Variants in CA5A observed in about 807,000 individuals in gnomAD.
The protein encoded by CA5A is carbonic anhydrase 5A, also known as carbonic anhydrase 5A, mitochondrial.
A neutral mutation model predicts 37.1 loss-of-function variants in CA5A; 28 were observed. The ratio of observed to expected loss-of-function variants is 0.75; its 90% confidence interval spans 0.56 to 1.03. The LOEUF (loss-of-function observed/expected upper bound fraction) is 1.03. CA5A is among the 50% of genes least tolerant of loss of function. The pLI is 0.00. For missense variants in CA5A, 444 were observed against 399.9 expected, an observed-to-expected ratio of 1.11 and a Z score of -0.94; for synonymous variants, 171 against 158.4, an observed-to-expected ratio of 1.08 and a Z score of -0.60.
intron 2 of CA5A, among the ~76,000 whole-genome samples, chr16:87,914,245 G>A (rs913440682): frequency 6.6e-6 from 1 of 152,250 alleles, no homozygotes; most frequent in African/African-American, 2.4e-5. Context: ...GAAGTCACGG[G>A]TGACCATGGT....
At chr16:87,926,176 G>A (rs780280769) in intron 2 of CA5A, among the ~76,000 whole-genome samples, 5 of 152,124 alleles carry the variant, frequency 3.3e-5, no homozygotes, top group Non-Finnish European at 5.9e-5. Flanking sequence ...CTGAGATTGC[G>A]CCATGGCACT....
At chr16:87,892,495 G>C (rs2055732309) in intron 5 of CA5A, among the ~76,000 whole-genome samples, 1 of 142,764 alleles carries the variant, frequency 7.0e-6, no homozygotes, top group African/African-American at 2.6e-5. Flanking sequence ...GGGCAACAGA[G>C]TGAGACTCTG....
chr16:87,930,055 G>A (rs1196338220), intron 1 of CA5A, among the ~76,000 whole-genome samples: 4 of 152,136 alleles, frequency 2.6e-5, no homozygotes, highest in African/African-American at 9.7e-5. Flanking sequence ...GGATGGTTGT[G>A]TGCCTGTTTA....
In CA5A at chr16:87,910,283, G is replaced by A. The variant is rs761397491; in HGVS notation, c.341-5379C>T. 1.7e-4 allele frequency among the ~76,000 whole-genome samples: 26 copies of A among 152,272 alleles called. 1 individual carries two copies. Among genetic ancestry groups the A allele is most frequent in the African/African-American group, 3.6e-4 (15 of 41,560 alleles). On this transcript the variant is annotated intron_variant, in intron 2 of 6. Transcript: ENST00000649794. ...ACCAGAGTGCAGCGGAGGAGCTGGCGTTCGCTGGGCACCTGCTACCTGCTG... is the reference window on the plus strand; with the variant it reads ...ACCAGAGTGCAGCGGAGGAGCTGGCATTCGCTGGGCACCTGCTACCTGCTG...
chr16:87,897,448 C>T (rs117296936), intron 5 of CA5A, among the ~76,000 whole-genome samples: 7,371 of 140,120 alleles, frequency 0.053, 235 homozygotes, highest in Middle Eastern at 0.16. Context: ...GCTGTGCCTG[C>T]GTGCTGGGAG....
At chr16:87,930,763 C>T (rs2056391460) in intron 1 of CA5A, among the ~76,000 whole-genome samples, 2 of 146,652 alleles carry the variant, frequency 1.4e-5, no homozygotes, top group South Asian at 4.4e-4. Flanking sequence ...TTTTTTGAGA[C>T]AGAGTCTCCT....
At chr16:87,909,132 C>G (rs58428952) in intron 2 of CA5A, among the ~76,000 whole-genome samples, 15,421 of 151,954 alleles carry the variant, frequency 0.1, 887 homozygotes, top group Middle Eastern at 0.16. Context: ...TGCCCAGCCT[C>G]TCACAGAATT....
intron 5 of CA5A, chr16:87,893,885 G>A (rs778381738): frequency 2.6e-4 from 61 of 237,802 alleles, no homozygotes; most frequent in Admixed American, 1.0e-3. Context: ...CGATCCCCCC[G>A]CCTCAGTTTC....
intron 1 of CA5A, among the ~76,000 whole-genome samples, chr16:87,935,123 G>T (rs867745087): frequency 1.3e-5 from 2 of 152,376 alleles, no homozygotes; most frequent in Middle Eastern, 6.8e-3. Flanking sequence ...GCAAGCGTCA[G>T]TCGGACTGCA....
At chr16:87,900,408 C>T (rs137880292) in intron 5 of CA5A, among the ~76,000 whole-genome samples, 2,037 of 152,300 alleles carry the variant, frequency 0.013, 16 homozygotes, top group Non-Finnish European at 0.02. Flanking sequence ...GCGAAGGCCA[C>T]GTACAGATCA....
intron 1 of CA5A, among the ~76,000 whole-genome samples, chr16:87,929,404 A>T (rs2056364723): frequency 6.8e-6 from 1 of 147,408 alleles, no homozygotes; most frequent in Non-Finnish European, 1.5e-5. Context: ...GTGAGCAGAG[A>T]TGGCACCACT....
In CA5A at chr16:87,923,737, G is replaced by A. The variant is rs549408664; in HGVS notation, c.340+3011C>T. The A allele has an allele frequency of 4.1e-6, 4 of 984,632 alleles. No individual in the cohort carries two copies. In the African/African-American group the frequency reaches 5.2e-5, roughly 13 times the overall value. 61.0% of individuals were successfully genotyped at this position (984,632 alleles called of 1,614,324 possible). A position where few individuals can be genotyped will look rare whatever the true frequency, so the allele number is the denominator to read the frequency against. ...ATAACCTTCAAAGTTTATACTTTAC[G>A]ACTTAGAGGAAACAAATCAGTTATT... is the stretch of plus-strand genomic sequence containing the variant. On this transcript the variant is annotated intron_variant, in intron 2 of 6. Coordinates refer to ENST00000649794, the MANE Select transcript of CA5A (RefSeq NM_001739.2).
chr16:87,912,747 G>A (rs1282136635), intron 2 of CA5A, among the ~76,000 whole-genome samples: 2 of 152,232 alleles, frequency 1.3e-5, no homozygotes, highest in Non-Finnish European at 2.9e-5. Context: ...TGGAAGCGGC[G>A]TTTCAGTGGA....
chr16:87,922,031 C>A (rs1340754456), intron 2 of CA5A, among the ~76,000 whole-genome samples: 1 of 152,062 alleles, frequency 6.6e-6, no homozygotes, highest in African/African-American at 2.4e-5. Flanking sequence ...CCACGTCCAG[C>A]TAATTCTTTT....
At chr16:87,908,984 C>T (rs908197581) in intron 2 of CA5A, among the ~76,000 whole-genome samples, 3 of 133,886 alleles carry the variant, frequency 2.2e-5, no homozygotes, top group Non-Finnish European at 4.7e-5. Context: ...CCACCACACC[C>T]GGCTATTTTT....
rs755698327 is a variant in CA5A, at chr16:87,902,025, G to C, written c.556-51C>G. On this transcript the variant is annotated intron_variant, in intron 4 of 6. Coordinates refer to ENST00000649794, the MANE Select transcript of CA5A (RefSeq NM_001739.2). ...AGCTGCAAAGGCAGTGGATGGGGGG[G>C]GAAGCTCACTCCACTGTAAATACAC... The C allele has an allele frequency of 4.4e-5, 65 of 1,490,552 alleles. 1 individual carries two copies. The highest frequency in any genetic ancestry group is 1.7e-4 in the Middle Eastern group (1 of 5,866). The allele number at this position is 1,490,552 out of a possible 1,614,324, so 92.3% of individuals were successfully genotyped here.
In CA5A at chr16:87,929,733, G is replaced by A. The variant is rs1013307378; in HGVS notation, c.143-2788C>T. On this transcript the variant is annotated intron_variant, in intron 1 of 6. Transcript: ENST00000649794. ...TAAAAATACAAAAAATTAGCCGGGC[G>A]TGGTGGCGGGCGCCTGTAGTCCCAG... Among the ~76,000 whole-genome samples the A allele has an allele frequency of 1.6e-4, 25 of 151,850 alleles. 1 individual carries two copies. The highest frequency in any genetic ancestry group is 5.9e-4 in the Admixed American group (9 of 15,256).
intron 5 of CA5A, among the ~76,000 whole-genome samples, chr16:87,900,701 C>G (rs540074242): frequency 3.9e-5 from 6 of 152,370 alleles, no homozygotes; most frequent in African/African-American, 1.4e-4. Flanking sequence ...GCCTATGGAT[C>G]GCTGGGCGGA....
intron 1 of CA5A, among the ~76,000 whole-genome samples, chr16:87,929,515 G>A (rs2056366981): frequency 1.3e-5 from 2 of 151,390 alleles, no homozygotes; most frequent in Admixed American, 6.6e-5. Flanking sequence ...AGGTCAAATG[G>A]TTAGCGCATT....
Sources: allele counts gnomAD v4.1 joint callset (sites outside exome capture counted in the v4.1 genomes callset), GRCh38; gene constraint gnomAD v4.1.1; transcripts MANE v1.5; gene names NCBI Gene and HGNC (gene_info 2026-07-23, HGNC 2026-07-21).